The following SORCS2 variants were observed in gnomAD, a reference collection of about 807,000 sequenced individuals.
SORCS2 encodes the protein sortilin related VPS10 domain containing receptor 2.
SORCS2 carries 100 observed loss-of-function variants against 141.6 expected under a neutral mutation model. The observed-to-expected ratio is 0.71, with a 90% CI of 0.60 to 0.83. SORCS2 has a LOEUF of 0.83. Ranked by LOEUF, SORCS2 falls within the 40% of genes least tolerant of loss-of-function variation. The pLI is 0.00. For missense variants in SORCS2, 1,646 were observed against 1,560.2 expected (o/e 1.05, Z -0.93); for synonymous variants, 789 against 676.9 (o/e 1.17, Z -2.57).
intron 1 of SORCS2, among the ~76,000 whole-genome samples, chr4:7,223,292 TGC>T (rs149519970): frequency 0.19 from 16,371 of 85,360 alleles, 1,087 homozygotes; most frequent in African/African-American, 0.3. Flanking sequence ...TTAGTGTATA[TGC>T]GCACACACAC....
chr4:7,434,637 G>A (rs757529026), intron 2 of SORCS2: 38 of 1,613,232 alleles, frequency 2.4e-5, no homozygotes, highest in African/African-American at 1.3e-4. Flanking sequence ...ACTCCGTGGC[G>A]TCAGGGTTCA....
intron 1 of SORCS2, among the ~76,000 whole-genome samples, chr4:7,227,677 G>A (rs941672276): frequency 2.6e-5 from 4 of 152,116 alleles, no homozygotes; most frequent in Non-Finnish European, 5.9e-5. Context: ...CACCCACCGC[G>A]CTGCTTCCTC....
Position 7,366,097 on chromosome 4 carries a change from C to CG in SORCS2, c.481-30185dup, listed in dbSNP as rs1240065213. ...CCAGAGGCAAATGCAGGAGGAGTGC[C>CG]GGGGGGTGGGGGGTGGTGGCACAGG... On this transcript the variant is annotated intron_variant, in intron 1 of 26. Coordinates refer to ENST00000507866, the MANE Select transcript of SORCS2 (RefSeq NM_020777.3). Among the ~76,000 whole-genome samples, 48 of 152,044 alleles carry CG rather than the reference C, an allele frequency of 3.2e-4. 1 individual carries two copies. Among genetic ancestry groups the CG allele is most frequent in the Non-Finnish European group, 6.0e-4 (41 of 67,958 alleles).
At chr4:7,502,686 G>A (rs1732042821) in intron 2 of SORCS2, among the ~76,000 whole-genome samples, 1 of 152,130 alleles carries the variant, frequency 6.6e-6, no homozygotes, top group Non-Finnish European at 1.5e-5. Context: ...CTTGCTTAAG[G>A]CCATGTGGAC....
At position 7,718,045 on chromosome 4, in the gene SORCS2, T is replaced by A; in HGVS notation, c.2286T>A (p.Gly762=). The A allele has an allele frequency of 4.4e-6, 7 of 1,607,926 alleles. No homozygotes were observed. In the South Asian group the frequency reaches 6.7e-5, roughly 15 times the overall value. The change falls in exon 18 of 27, where the codon GGT becomes GGA. Residue 762 remains glycine, a synonymous_variant. Transcript: ENST00000507866. Reference sequence around the variant, plus strand: ...AAGTGGTGTCCAACGTGTGTGAGGGTGGGGTGGACATGCAGCAGAGTCAGG... The same window carrying A: ...AAGTGGTGTCCAACGTGTGTGAGGGAGGGGTGGACATGCAGCAGAGTCAGG... ...YRKVVSNVCE[G]GVDMQQSQVQ...
intron 1 of SORCS2, among the ~76,000 whole-genome samples, chr4:7,203,842 C>T (rs1727601126): frequency 6.6e-6 from 1 of 152,184 alleles, no homozygotes; most frequent in African/African-American, 2.4e-5. Context: ...CCACCCCCGC[C>T]ACTCACAGTC....
intron 1 of SORCS2, among the ~76,000 whole-genome samples, chr4:7,221,048 G>A (rs1728674316): frequency 6.6e-6 from 1 of 152,154 alleles, no homozygotes; most frequent in Admixed American, 6.5e-5. Flanking sequence ...ATTTTTGTGG[G>A]CAAACGTGTC....
intron 2 of SORCS2, chr4:7,434,801 C>A (rs929565317): frequency 6.2e-7 from 1 of 1,609,508 alleles, no homozygotes; most frequent in East Asian, 2.2e-5. Context: ...GAGCCCTTTG[C>A]ACACTCCTGG....
At chr4:7,381,093 A>C (rs547627699) in intron 1 of SORCS2, among the ~76,000 whole-genome samples, 3 of 152,032 alleles carry the variant, frequency 2.0e-5, no homozygotes, top group African/African-American at 7.2e-5. Context: ...AAAAAAAAAA[A>C]AAAAAGGAGT....
At chr4:7,243,365 C>G (rs968536359) in intron 1 of SORCS2, among the ~76,000 whole-genome samples, 1 of 152,098 alleles carries the variant, frequency 6.6e-6, no homozygotes, top group African/African-American at 2.4e-5. Context: ...TGATTTGTCC[C>G]CTGCGTGATG....
intron 2 of SORCS2, among the ~76,000 whole-genome samples, chr4:7,409,205 T>A (rs1725155308): frequency 6.6e-6 from 1 of 152,308 alleles, no homozygotes. Context: ...CTTGTTTTGG[T>A]TAAAGATTCT....
intron 3 of SORCS2, among the ~76,000 whole-genome samples, chr4:7,568,209 C>T (rs537791159): frequency 3.9e-5 from 6 of 152,162 alleles, no homozygotes; most frequent in Non-Finnish European, 5.9e-5. Context: ...CCCTTCGTGG[C>T]TCAAAAATCT....
chr4:7,216,476 G>T (rs1728358270), intron 1 of SORCS2, among the ~76,000 whole-genome samples: 1 of 152,176 alleles, frequency 6.6e-6, no homozygotes, highest in Non-Finnish European at 1.5e-5. Flanking sequence ...TGGTTCTGGA[G>T]GCCAGAAGTC....
At chr4:7,397,701 C>G (rs1724307625) in intron 2 of SORCS2, among the ~76,000 whole-genome samples, 1 of 152,090 alleles carries the variant, frequency 6.6e-6, no homozygotes, top group Non-Finnish European at 1.5e-5. Flanking sequence ...CTCCGTGGGC[C>G]CTGTGAAATG....
rs1462066981 is a variant in SORCS2, at chr4:7,511,910, G to A, written c.549-19620G>A. ...AGGAAAACAGAACTGACATTACCCA[G>A]GGCCCAAATCCCACCCTTTCTCCCT... On this transcript the variant is annotated intron_variant, in intron 2 of 26. Transcript: ENST00000507866. Among the ~76,000 whole-genome samples, 6 of 152,312 alleles carry A rather than the reference G, an allele frequency of 3.9e-5. No individual in the cohort carries two copies. In the East Asian group the frequency reaches 1.2e-3, roughly 29 times the overall value.
chr4:7,738,642 G>A lies in SORCS2; in HGVS notation c.3415+1470G>A, dbSNP rs73794756. The stretch of plus-strand genomic sequence containing the variant: ...GGCACCACCAGCTGCTGCCACTGCC[G>A]TTCTGATGATCCGGCTTCGAGCGTC... On this transcript the variant is annotated intron_variant, in intron 26 of 26. Transcript: ENST00000507866. Among the ~76,000 whole-genome samples the A allele has an allele frequency of 7.8e-4, 119 of 152,268 alleles. 1 individual carries two copies. The highest frequency in any genetic ancestry group is 3.4e-3 in the Middle Eastern group (1 of 294).
intron 8 of SORCS2, among the ~76,000 whole-genome samples, chr4:7,670,616 C>T (rs1018430243): frequency 2.0e-5 from 3 of 152,194 alleles, no homozygotes; most frequent in African/African-American, 7.2e-5. Context: ...AGAACCCATC[C>T]AGTGTAACTG....
intron 18 of SORCS2, among the ~76,000 whole-genome samples, chr4:7,722,106 T>A (rs1161129238): frequency 6.6e-6 from 1 of 152,224 alleles, no homozygotes; most frequent in Non-Finnish European, 1.5e-5. Context: ...AGAAGTTAAA[T>A]GTGCATCAGC....
At chr4:7,641,817 G>GATGTGTGGGTGGATGGATGGATGGATGT (rs1553897684) in intron 4 of SORCS2, among the ~76,000 whole-genome samples, 1 of 127,350 alleles carries the variant, frequency 7.9e-6, no homozygotes, top group Admixed American at 7.9e-5. Flanking sequence ...TGGATGGATG[G>GATGTGTGGGTGGATGGATGGATGGATGT]GTGGGTGGAT....
Sources: gnomAD v4.1 joint callset for allele counts (sites outside exome capture counted in the v4.1 genomes callset) on GRCh38, gnomAD v4.1.1 for gene constraint, MANE v1.5 for transcripts, NCBI Gene and HGNC (gene_info 2026-07-23, HGNC 2026-07-21) for gene names.